Variants in MTARC2 observed in about 807,000 individuals in gnomAD.
The protein encoded by MTARC2 is mitochondrial amidoxime reducing component 2.
Under a neutral mutation model 35.6 loss-of-function variants are expected in MTARC2, and 27 were observed. That is an observed-to-expected ratio of 0.76 (90% confidence interval 0.56 to 1.04). The LOEUF (loss-of-function observed/expected upper bound fraction) is 1.04. MTARC2 is among the 50% of genes least tolerant of loss of function. MTARC2 has a pLI of 0.00. For missense variants in MTARC2, 412 were observed against 432.5 expected (o/e 0.95, Z 0.42); for synonymous variants, 158 against 167.1 (o/e 0.95, Z 0.42).
At chr1:220,757,733 AC>A (rs1671318826) in intron 2 of MTARC2, among the ~76,000 whole-genome samples, 1 of 152,124 alleles carries the variant, frequency 6.6e-6, no homozygotes, top group Non-Finnish European at 1.5e-5. Flanking sequence ...ACCTCATCTA[AC>A]CCTAATTACC....
rs115916983 is a variant in MTARC2 at position 220,757,761 on chromosome 1, T to C, written c.446+2641T>C. 5.3e-3 allele frequency among the ~76,000 whole-genome samples: 812 copies of C among 152,252 alleles called. 6 individuals are homozygous for C. The highest frequency in any genetic ancestry group is 0.023 in the South Asian group (112 of 4,818). On this transcript the variant is annotated intron_variant, in intron 2 of 7. Coordinates refer to ENST00000366913, the MANE Select transcript of MTARC2 (RefSeq NM_017898.5). Reference sequence around the variant, plus strand: ...CTAATTACCTCCCATAGGCCCCACATTGGGGGTGAGGGTGTCAACAAAGGA... The same window carrying C: ...CTAATTACCTCCCATAGGCCCCACACTGGGGGTGAGGGTGTCAACAAAGGA...
chr1:220,782,508 G>A (rs544973678), intron 7 of MTARC2, among the ~76,000 whole-genome samples: 28 of 152,274 alleles, frequency 1.8e-4, no homozygotes, highest in Admixed American at 1.6e-3. Flanking sequence ...GGAGGCAAAA[G>A]CCTAACTCCC....
intron 2 of MTARC2, among the ~76,000 whole-genome samples, chr1:220,755,409 G>A (rs1291852184): frequency 2.6e-5 from 4 of 152,186 alleles, no homozygotes; most frequent in African/African-American, 4.8e-5. Flanking sequence ...AGAAACTGGA[G>A]GCACGCTACG....
In MTARC2 at chr1:220,752,432, G is replaced by A. The variant is rs565841465; in HGVS notation, c.273-2515G>A. ...TAGGGAATAGGGCCCAGCCCTGTGA[G>A]GCATCTAAGTCAGTGGATGCCTGCC... On this transcript the variant is annotated intron_variant, in intron 1 of 7. Coordinates refer to ENST00000366913, the MANE Select transcript of MTARC2 (RefSeq NM_017898.5). Among the ~76,000 whole-genome samples, 3 of 152,286 alleles carry A rather than the reference G, an allele frequency of 2.0e-5. No homozygotes were observed. In the East Asian group the frequency reaches 5.8e-4, roughly 29 times the overall value.
At chr1:220,761,073 A>G (rs1357735561) in intron 2 of MTARC2, among the ~76,000 whole-genome samples, 2 of 152,240 alleles carry the variant, frequency 1.3e-5, no homozygotes, top group Admixed American at 6.5e-5. Flanking sequence ...TTAAAACTCC[A>G]TTAGGGGAAT....
intron 2 of MTARC2, among the ~76,000 whole-genome samples, chr1:220,756,875 A>G (rs1224453257): frequency 3.9e-5 from 6 of 152,164 alleles, no homozygotes; most frequent in Non-Finnish European, 5.9e-5. Flanking sequence ...TGGGTCTGAA[A>G]AAGACAGCAA....
intron 4 of MTARC2, among the ~76,000 whole-genome samples, chr1:220,774,706 C>T (rs1162703853): frequency 1.3e-5 from 2 of 150,366 alleles, no homozygotes; most frequent in Admixed American, 6.6e-5. Flanking sequence ...TCTTTCATAG[C>T]CCATTGCCAC....
chr1:220,774,089 A>G (rs543448679), intron 4 of MTARC2, among the ~76,000 whole-genome samples: 1 of 150,618 alleles, frequency 6.6e-6, no homozygotes, highest in Non-Finnish European at 1.5e-5. Flanking sequence ...TTTTTCAGAC[A>G]GGGTCTCACC....
intron 4 of MTARC2, among the ~76,000 whole-genome samples, chr1:220,764,971 CAG>C (rs990152471): frequency 1.3e-5 from 2 of 152,166 alleles, no homozygotes; most frequent in African/African-American, 4.8e-5. Flanking sequence ...TCCTGCTCTT[CAG>C]AATGTTCCAA....
At chr1:220,765,771 A>T (rs947023201) in intron 4 of MTARC2, among the ~76,000 whole-genome samples, 1 of 152,256 alleles carries the variant, frequency 6.6e-6, no homozygotes, top group South Asian at 2.1e-4. Context: ...TTGTAGAGAC[A>T]GGGTCTCCCT....
chr1:220,753,214 T>C (rs1256372746), intron 1 of MTARC2, among the ~76,000 whole-genome samples: 1 of 149,526 alleles, frequency 6.7e-6, no homozygotes, highest in Admixed American at 6.7e-5. Flanking sequence ...GGTGACAGAG[T>C]GAGACTCCGT....
chr1:220,778,407 G>A (rs78948511), intron 4 of MTARC2, among the ~76,000 whole-genome samples: 2,472 of 152,230 alleles, frequency 0.016, 42 homozygotes, highest in East Asian at 0.056. Context: ...TGGCAGAAGC[G>A]GAAGCAAGAG....
chr1:220,749,295 A>C (rs1671069233), intron 1 of MTARC2, among the ~76,000 whole-genome samples: 1 of 152,194 alleles, frequency 6.6e-6, no homozygotes, highest in Non-Finnish European at 1.5e-5. Flanking sequence ...ACTCTGGGGC[A>C]GAGGTGATAC....
chr1:220,749,178 G>A (rs1671066264), intron 1 of MTARC2, among the ~76,000 whole-genome samples: 1 of 152,162 alleles, frequency 6.6e-6, no homozygotes, highest in South Asian at 2.1e-4. Flanking sequence ...GTTGTTCAAG[G>A]ACATTGGCTT....
At position 220,748,577 on chromosome 1, in the gene MTARC2, G is replaced by C. The variant is rs1671042243; in HGVS notation, c.46G>C (p.Ala16Pro). Residue 16 changes from alanine to proline, a missense_variant, in exon 1 of 8, where the codon GCC becomes CCC. Coordinates refer to ENST00000366913, the MANE Select transcript of MTARC2 (RefSeq NM_017898.5). ...SSALARLGLP[A>P]RPWPRWLGVA... is the part of the protein sequence containing the mutation. ...CGCGCTGGCCCGCCTCGGCCTCCCA[G>C]CCCGGCCCTGGCCCAGGTGGCTCGG... 3 of 1,450,760 alleles carry C rather than the reference G, an allele frequency of 2.1e-6. No homozygotes were observed. Among genetic ancestry groups the C allele is most frequent in the African/African-American group, 1.5e-5 (1 of 67,228 alleles). The allele number at this position is 1,450,760 out of a possible 1,614,324, so 89.9% of individuals were successfully genotyped here. A position where few individuals can be genotyped will look rare whatever the true frequency, so the allele number is the denominator to read the frequency against.
intron 4 of MTARC2, among the ~76,000 whole-genome samples, chr1:220,776,139 T>C (rs1671905051): frequency 6.6e-6 from 1 of 152,256 alleles, no homozygotes; most frequent in Non-Finnish European, 1.5e-5. Context: ...TTTACATTCC[T>C]ACCAACAGTA....
At chr1:220,783,832 A>G (rs1360994903) in intron 7 of MTARC2, 87 bp from the exon 8 acceptor site, 13 of 715,810 alleles carry the variant, frequency 1.8e-5, no homozygotes, top group Non-Finnish European at 3.4e-5. Flanking sequence ...TGTAACCTCA[A>G]TAAGTGACTG....
intron 4 of MTARC2, among the ~76,000 whole-genome samples, chr1:220,774,221 C>T (rs1008264129): frequency 1.3e-4 from 20 of 152,086 alleles, no homozygotes; most frequent in Non-Finnish European, 1.8e-4. Context: ...CACACACCAC[C>T]ACACCTGGCT....
intron 4 of MTARC2, among the ~76,000 whole-genome samples, chr1:220,771,296 CAAAAAAAAAAA>C (rs57776178): frequency 3.5e-5 from 2 of 57,104 alleles, no homozygotes; most frequent in African/African-American, 6.8e-5. Context: ...GAGACTGTCT[CAAAAAAAAAAA>C]AAAAAAAAAA....
Sources: gnomAD v4.1 joint callset for allele counts (sites outside exome capture counted in the v4.1 genomes callset) on GRCh38, gnomAD v4.1.1 for gene constraint, MANE v1.5 for transcripts, NCBI Gene and HGNC (gene_info 2026-07-23, HGNC 2026-07-21) for gene names.